FAM171A1: variants seen among roughly 807,000 people sequenced by gnomAD.
FAM171A1 encodes the protein protein FAM171A1.
A neutral mutation model predicts 74.9 loss-of-function variants in FAM171A1; 23 were observed. The ratio of observed to expected loss-of-function variants is 0.31; its 90% CI spans 0.22 to 0.44. FAM171A1 has a LOEUF of 0.44. FAM171A1 is among the 20% of genes least tolerant of loss of function. FAM171A1 has a pLI of 1.00. For synonymous variants in FAM171A1, 527 were observed against 505.7 expected (o/e 1.04, Z -0.57); for missense variants, 1,162 against 1,159.2 (o/e 1.00, Z -0.03).
intron 3 of FAM171A1, among the ~76,000 whole-genome samples, chr10:15,257,331 A>G (rs1834593020): frequency 6.6e-6 from 1 of 152,108 alleles, no homozygotes; most frequent in Non-Finnish European, 1.5e-5. Flanking sequence ...GCTGAAAGAC[A>G]AGGGGGAGCC....
At chr10:15,270,467 C>T (rs557413788) in intron 3 of FAM171A1, among the ~76,000 whole-genome samples, 18 of 152,314 alleles carry the variant, frequency 1.2e-4, no homozygotes, top group African/African-American at 3.1e-4. Context: ...CATAGCTGAA[C>T]GAAAGGCAGC....
intron 1 of FAM171A1, among the ~76,000 whole-genome samples, chr10:15,322,238 A>T (rs1835495515): frequency 6.6e-6 from 1 of 152,238 alleles, no homozygotes; most frequent in South Asian, 2.1e-4. Context: ...CAGCTGTTCA[A>T]TAACTGAATA....
intron 1 of FAM171A1, among the ~76,000 whole-genome samples, chr10:15,301,724 A>G (rs57306636): frequency 0.31 from 47,855 of 152,038 alleles, 7,923 homozygotes; most frequent in African/African-American, 0.41. Flanking sequence ...GCAAGAATGC[A>G]GACACTCTGG....
chr10:15,308,436 C>T (rs951133502), intron 1 of FAM171A1, among the ~76,000 whole-genome samples: 1 of 152,156 alleles, frequency 6.6e-6, no homozygotes, highest in East Asian at 1.9e-4. Flanking sequence ...CCGAACAGCT[C>T]GGACATCTTA....
intron 6 of FAM171A1, among the ~76,000 whole-genome samples, chr10:15,216,367 C>T (rs1833966627): frequency 6.6e-6 from 1 of 152,150 alleles, no homozygotes; most frequent in Non-Finnish European, 1.5e-5. Context: ...GTCAAGGGCC[C>T]CTCCTAAGCG....
rs139115592 is a variant in FAM171A1 at position 15,256,130 on chromosome 10, T to C, written c.419-1251A>G. On this transcript the variant is annotated intron_variant, in intron 3 of 7. Coordinates refer to ENST00000378116, the MANE Select transcript of FAM171A1 (RefSeq NM_001010924.2). ...ATTCCACCTGTGCTTTGCTGAGGGT[T>C]CCTTCTCCCGGCCCCCTGCTGTCCT... 5.2e-4 allele frequency among the ~76,000 whole-genome samples: 79 copies of C among 152,304 alleles called. No individual in the cohort carries two copies. In the East Asian group the frequency reaches 0.015, roughly 29 times the overall value.
At chr10:15,322,612 A>G (rs934712992) in intron 1 of FAM171A1, among the ~76,000 whole-genome samples, 1 of 152,172 alleles carries the variant, frequency 6.6e-6, no homozygotes, top group Non-Finnish European at 1.5e-5. Context: ...GTAACTGTTC[A>G]TGTTTCAAGC....
At chr10:15,259,304 C>T (rs34578249) in intron 3 of FAM171A1, among the ~76,000 whole-genome samples, 40,918 of 152,006 alleles carry the variant, frequency 0.27, 6,478 homozygotes, top group South Asian at 0.35. Flanking sequence ...ATTGTGAAAG[C>T]CTCCTATCTG....
chr10:15,246,192 G>A (rs536413234), intron 5 of FAM171A1, among the ~76,000 whole-genome samples: 1 of 151,914 alleles, frequency 6.6e-6, no homozygotes, highest in Non-Finnish European at 1.5e-5. Flanking sequence ...CACCATCAAT[G>A]AAGTGCCCGT....
At chr10:15,343,761 GGAACT>G (rs1353164314) in intron 1 of FAM171A1, among the ~76,000 whole-genome samples, 7 of 152,118 alleles carry the variant, frequency 4.6e-5, no homozygotes, top group Non-Finnish European at 7.3e-5. Context: ...AGGGGGGCTG[GGAACT>G]GAACCTGGGC....
chr10:15,246,838 A>C (rs1834441059), intron 5 of FAM171A1, among the ~76,000 whole-genome samples: 1 of 152,098 alleles, frequency 6.6e-6, no homozygotes, highest in South Asian at 2.1e-4. Flanking sequence ...TGATATTTTC[A>C]AGCTTGACTT....
At chr10:15,226,582 T>G (rs910621457) in intron 5 of FAM171A1, among the ~76,000 whole-genome samples, 5 of 152,134 alleles carry the variant, frequency 3.3e-5, no homozygotes, top group Admixed American at 3.3e-4. Context: ...CCTGACTCTT[T>G]GCCAAAACTT....
In FAM171A1 at chr10:15,283,877, C is replaced by A; in HGVS notation, c.325+1G>T. On this transcript the variant is annotated splice_donor_variant, in intron 2 of 7. Coordinates refer to ENST00000378116, the MANE Select transcript of FAM171A1 (RefSeq NM_001010924.2). LOFTEE classifies it high-confidence loss of function. Reference sequence around the variant, plus strand: ...TTAAAGAAAGATGAGGAACGCCTTACCAGGTAACCGGATTGGCTTCCATGG... The same window carrying A: ...TTAAAGAAAGATGAGGAACGCCTTAACAGGTAACCGGATTGGCTTCCATGG... 1 of 1,614,110 alleles carries A rather than the reference C, an allele frequency of 6.2e-7. No homozygotes were observed. The highest frequency in any genetic ancestry group is 8.5e-7 in the Non-Finnish European group (1 of 1,179,978).
At chr10:15,262,554 T>C (rs979111660) in intron 3 of FAM171A1, among the ~76,000 whole-genome samples, 2 of 152,102 alleles carry the variant, frequency 1.3e-5, no homozygotes, top group African/African-American at 4.8e-5. Context: ...TAACTGTAGC[T>C]CTGCTGAGCT....
At chr10:15,262,911 C>T (rs574569581) in intron 3 of FAM171A1, among the ~76,000 whole-genome samples, 7 of 152,168 alleles carry the variant, frequency 4.6e-5, no homozygotes, top group Admixed American at 2.6e-4. Flanking sequence ...GAAGACCACT[C>T]GGGAAGGCGT....
At chr10:15,270,083 G>A (rs924125077) in intron 3 of FAM171A1, among the ~76,000 whole-genome samples, 3 of 152,158 alleles carry the variant, frequency 2.0e-5, no homozygotes, top group African/African-American at 4.8e-5. Context: ...GCGGAGCATC[G>A]CCTCACCTAG....
intron 4 of FAM171A1, among the ~76,000 whole-genome samples, chr10:15,249,204 C>T (rs1834476982): frequency 6.6e-6 from 1 of 151,766 alleles, no homozygotes; most frequent in Non-Finnish European, 1.5e-5. Context: ...TCAAGCGATC[C>T]TCCTGCCTCA....
chr10:15,265,657 AT>A (rs368637807), intron 3 of FAM171A1, among the ~76,000 whole-genome samples: 51 of 135,074 alleles, frequency 3.8e-4, no homozygotes, highest in Non-Finnish European at 4.0e-4. Flanking sequence ...CTGGATTTTG[AT>A]TTTTTTTTTT....
At chr10:15,280,074 G>A (rs931159945) in intron 2 of FAM171A1, among the ~76,000 whole-genome samples, 1 of 152,032 alleles carries the variant, frequency 6.6e-6, no homozygotes, top group African/African-American at 2.4e-5. Flanking sequence ...GTGACAGAGT[G>A]AGACTTCATC....
Sources: allele counts gnomAD v4.1 joint callset (sites outside exome capture counted in the v4.1 genomes callset), GRCh38; gene constraint gnomAD v4.1.1; transcripts MANE v1.5; gene names NCBI Gene and HGNC (gene_info 2026-07-23, HGNC 2026-07-21).